The following REPS2 variants were observed in gnomAD, a reference collection of about 807,000 sequenced individuals.
REPS2 encodes the protein RALBP1 associated Eps domain containing 2, also known as ralBP1-associated Eps domain-containing protein 2.
Under a neutral mutation model 53.6 loss-of-function variants are expected in REPS2, and 23 were observed. The observed-to-expected ratio is 0.43, with a 90% CI of 0.31 to 0.61. The LOEUF is 0.61. REPS2 is among the 20% of genes least tolerant of loss of function. The pLI, the probability that REPS2 is intolerant of heterozygous loss-of-function variation, is 0.11. For missense variants in REPS2, 446 were observed against 534.9 expected, an observed-to-expected ratio of 0.83 and a Z score of 1.64; for synonymous variants, 238 against 218.6, an observed-to-expected ratio of 1.09 and a Z score of -0.78.
intron 1 of REPS2, among the ~76,000 whole-genome samples, chrX:16,947,934 C>T (rs2060461932): frequency 8.9e-6 from 1 of 112,105 alleles, no homozygotes; most frequent in Non-Finnish European, 1.9e-5. Flanking sequence ...ATACCAGACG[C>T]TGTTTTTGTT....
In REPS2 at chrX:17,057,302, C is replaced by T. The variant is rs183533166; in HGVS notation, c.1114+2352C>T. ...GCAAATGTCTTATCTAAGTTTGTCTCGGGGCCTCTGACTCTCTTAAATAAA... is the reference window on the plus strand; with the variant it reads ...GCAAATGTCTTATCTAAGTTTGTCTTGGGGCCTCTGACTCTCTTAAATAAA... On this transcript the variant is annotated intron_variant, in intron 8 of 17. Coordinates refer to ENST00000357277, the MANE Select transcript of REPS2 (RefSeq NM_004726.3). Among the ~76,000 whole-genome samples the T allele has an allele frequency of 4.8e-3, 535 of 112,086 alleles. 7 individuals are homozygous for T. Among genetic ancestry groups the T allele is most frequent in the African/African-American group, 0.016 (503 of 30,836 alleles).
chrX:17,040,242 A>G (rs2061814169), intron 5 of REPS2, among the ~76,000 whole-genome samples: 1 of 112,640 alleles, frequency 8.9e-6, no homozygotes, highest in Non-Finnish European at 1.9e-5. Flanking sequence ...AGTTTTTTAA[A>G]AAGTTCTCTG....
the REPS2 span, among the ~76,000 whole-genome samples, chrX:17,178,714 T>C: frequency 9.0e-6 from 1 of 111,212 alleles, no homozygotes; most frequent in Non-Finnish European, 1.9e-5. Context: ...TGGATCATGA[T>C]GTCAGGAGAT....
chrX:17,047,754 C>G (rs2061927664), intron 6 of REPS2, among the ~76,000 whole-genome samples: 1 of 112,959 alleles, frequency 8.9e-6, no homozygotes, highest in Non-Finnish European at 1.9e-5. Context: ...TCTTGAAATG[C>G]TAGCGTGTCG....
chrX:17,130,291 A>G (rs929488008), intron 14 of REPS2, among the ~76,000 whole-genome samples: 3 of 111,336 alleles, frequency 2.7e-5, no homozygotes, highest in Admixed American at 9.5e-5. Context: ...TTCAAACTCA[A>G]TCTGCCTAAA....
intron 5 of REPS2, among the ~76,000 whole-genome samples, chrX:17,033,059 G>A (rs1483872441): frequency 8.9e-6 from 1 of 112,335 alleles, no homozygotes; most frequent in African/African-American, 3.2e-5. Context: ...TCTAGATGAT[G>A]TAGTCATTTG....
chrX:16,955,107 C>T (rs1006296709), intron 1 of REPS2, among the ~76,000 whole-genome samples: 8 of 111,465 alleles, frequency 7.2e-5, no homozygotes, highest in Non-Finnish European at 1.5e-4. Flanking sequence ...GCCACCGCGC[C>T]TGGCCTATTT....
Position 17,017,759 on chromosome X carries a change from C to T in REPS2, c.398-4364C>T, listed in dbSNP as rs189764274. On this transcript the variant is annotated intron_variant, in intron 2 of 17. Transcript: ENST00000357277. ...AATGGCTCACATTCCCATGTAGCAA[C>T]TATCAACTAGAGCTGTGCTGTTTCA... Among the ~76,000 whole-genome samples, 6 of 111,901 alleles carry T rather than the reference C, an allele frequency of 5.4e-5. No individual in the cohort carries two copies. The East Asian group carries it at 1.7e-3, about 32-fold the overall frequency.
At chrX:17,070,238 C>T (rs1045367134) in intron 11 of REPS2, among the ~76,000 whole-genome samples, 4 of 111,604 alleles carry the variant, frequency 3.6e-5, no homozygotes, top group Non-Finnish European at 5.6e-5. Context: ...AGGATCACTC[C>T]GTGTGAATAT....
chrX:17,072,625 A>G (rs1011652764), intron 11 of REPS2, among the ~76,000 whole-genome samples: 2 of 111,821 alleles, frequency 1.8e-5, no homozygotes, highest in Admixed American at 1.9e-4. Context: ...CATGGCGGGG[A>G]CCTCTCCTAC....
intron 2 of REPS2, among the ~76,000 whole-genome samples, chrX:17,009,954 G>C (rs2061408619): frequency 9.0e-6 from 1 of 110,977 alleles, no homozygotes. Context: ...GCCATTTCTG[G>C]GTGACTTTTC....
the REPS2 span, among the ~76,000 whole-genome samples, chrX:17,166,248 G>A: frequency 9.0e-6 from 1 of 110,782 alleles, no homozygotes; most frequent in Admixed American, 9.6e-5. Context: ...GGTACCAGAG[G>A]GTTTGTGTTG....
At chrX:16,990,349 C>A (rs1406218616) in intron 1 of REPS2, among the ~76,000 whole-genome samples, 1 of 111,483 alleles carries the variant, frequency 9.0e-6, no homozygotes, top group Non-Finnish European at 1.9e-5. Flanking sequence ...GTGGCTCACG[C>A]CTGTAATTCC....
intron 7 of REPS2, among the ~76,000 whole-genome samples, chrX:17,053,330 T>G (rs2062027045): frequency 9.0e-6 from 1 of 111,656 alleles, no homozygotes; most frequent in African/African-American, 3.3e-5. Context: ...ATAATTTTTT[T>G]GTTTTTACAA....
At chrX:17,132,790 G>A (rs767167516) in intron 14 of REPS2, among the ~76,000 whole-genome samples, 2 of 111,697 alleles carry the variant, frequency 1.8e-5, no homozygotes, top group African/African-American at 3.3e-5. Context: ...CGCCTGCTTC[G>A]GCCTCCCAAA....
At chrX:17,114,412 C>G (rs989121345) in intron 14 of REPS2, among the ~76,000 whole-genome samples, 1 of 111,582 alleles carries the variant, frequency 9.0e-6, no homozygotes. Flanking sequence ...TGAAGGTCTC[C>G]AGATGGTTCA....
intron 5 of REPS2, among the ~76,000 whole-genome samples, chrX:17,043,953 G>A (rs1200648908): frequency 2.7e-5 from 3 of 112,483 alleles, no homozygotes; most frequent in African/African-American, 9.7e-5. Flanking sequence ...CCTGAGGAGT[G>A]AGCATGTGCA....
chrX:16,987,173 G>A (rs892513509), intron 1 of REPS2, among the ~76,000 whole-genome samples: 1 of 110,585 alleles, frequency 9.0e-6, no homozygotes, highest in Non-Finnish European at 1.9e-5. Context: ...GGGCTCAAGT[G>A]ATCCTCCTGC....
chrX:17,068,348 A>G (rs376747454), intron 9 of REPS2, 54 bp from the exon 10 acceptor site: 21 of 1,034,695 alleles, frequency 2.0e-5, no homozygotes, highest in Middle Eastern at 5.0e-4. Context: ...ATATGTGCGC[A>G]TCACTTAATT....
Sources: allele counts gnomAD v4.1 joint callset (sites outside exome capture counted in the v4.1 genomes callset), GRCh38; gene constraint gnomAD v4.1.1; transcripts MANE v1.5; gene names NCBI Gene and HGNC (gene_info 2026-07-23, HGNC 2026-07-21).